Variants in HTR1F observed in about 807,000 individuals in gnomAD.
HTR1F encodes the protein 5-hydroxytryptamine receptor 1F, also known as 5-hydroxytryptamine (serotonin) receptor 1F, G protein-coupled.
In HTR1F, 17 loss-of-function variants were observed where a neutral mutation model predicts 24.0. That is an observed-to-expected ratio of 0.71 (90% CI 0.48 to 1.06). HTR1F has a LOEUF of 1.06. Ranked by LOEUF, HTR1F falls within the 50% of genes least tolerant of loss-of-function variation. HTR1F has a pLI of 0.00. For synonymous variants in HTR1F, 186 were observed against 156.8 expected (o/e 1.19, Z -1.39); for missense variants, 391 against 427.8 (o/e 0.91, Z 0.76).
intron 2 of HTR1F, among the ~76,000 whole-genome samples, chr3:87,962,910 G>A (rs1162295624): frequency 2.0e-5 from 3 of 151,838 alleles, no homozygotes; most frequent in Admixed American, 6.6e-5. Context: ...GTTTAATCTA[G>A]TGATACTAAT....
chr3:87,864,541 G>C (rs1450304028), intron 2 of HTR1F, among the ~76,000 whole-genome samples: 1 of 152,090 alleles, frequency 6.6e-6, no homozygotes, highest in African/African-American at 2.4e-5. Flanking sequence ...AAGACTGTAG[G>C]TATTCTACTG....
intron 2 of HTR1F, among the ~76,000 whole-genome samples, chr3:87,978,578 T>C (rs1398830742): frequency 1.3e-5 from 2 of 152,016 alleles, no homozygotes; most frequent in Non-Finnish European, 2.9e-5. Context: ...AGAGACCCAG[T>C]ACCTCCTATT....
chr3:87,964,117 C>A (rs749327449), intron 2 of HTR1F, among the ~76,000 whole-genome samples: 4 of 152,236 alleles, frequency 2.6e-5, no homozygotes, highest in Admixed American at 1.3e-4. Context: ...AAATTGGCTG[C>A]CGGGTGCTTT....
At chr3:87,963,825 C>T (rs1457346521) in intron 2 of HTR1F, among the ~76,000 whole-genome samples, 1 of 152,082 alleles carries the variant, frequency 6.6e-6, no homozygotes, top group African/African-American at 2.4e-5. Flanking sequence ...AACATATGTG[C>T]TTTGTCTTTC....
chr3:87,863,314 G>A lies in HTR1F; in HGVS notation c.-43+41190G>A, dbSNP rs1208346166. Among the ~76,000 whole-genome samples the A allele has an allele frequency of 2.6e-5, 4 of 152,256 alleles. No individual in the cohort carries two copies. The East Asian group carries it at 7.7e-4, about 29-fold the overall frequency. ...TAGTGTCTTGCAATCTGGATAGGCTGAGATTTTCCAAAGTGATCCAACCCT... is the reference window on the plus strand; with the variant it reads ...TAGTGTCTTGCAATCTGGATAGGCTAAGATTTTCCAAAGTGATCCAACCCT... On this transcript the variant is annotated intron_variant, in intron 2 of 2. Coordinates refer to ENST00000319595, the MANE Select transcript of HTR1F (RefSeq NM_001322209.2).
intron 1 of HTR1F, among the ~76,000 whole-genome samples, chr3:87,818,580 C>T (rs931244658): frequency 5.3e-5 from 8 of 152,148 alleles, no homozygotes; most frequent in Admixed American, 1.3e-4. Flanking sequence ...CCATGCCAAA[C>T]AGTAGGTGGA....
At chr3:87,936,832 A>G (rs1446638881) in intron 2 of HTR1F, among the ~76,000 whole-genome samples, 2 of 151,978 alleles carry the variant, frequency 1.3e-5, no homozygotes, top group Admixed American at 6.6e-5. Context: ...TGAGATACTC[A>G]TTTCATCTCT....
chr3:87,867,888 T>C (rs1162554355), intron 2 of HTR1F, among the ~76,000 whole-genome samples: 8 of 152,114 alleles, frequency 5.3e-5, no homozygotes, highest in African/African-American at 1.9e-4. Context: ...TTTCTTGTTG[T>C]CTAAATCATT....
chr3:87,942,125 C>A lies in HTR1F; in HGVS notation c.-42-48583C>A, dbSNP rs181788820. On this transcript the variant is annotated intron_variant, in intron 2 of 2. Coordinates refer to ENST00000319595, the MANE Select transcript of HTR1F (RefSeq NM_001322209.2). ...AATTCCTTCCTCAAGCAGGGGACAA[C>A]AAATGGGTGTTCCTTCTCCTATGTT... is the stretch of plus-strand genomic sequence containing the variant. Among the ~76,000 whole-genome samples, 422 of 152,210 alleles carry A rather than the reference C, an allele frequency of 2.8e-3. 2 individuals carry two copies. The highest frequency in any genetic ancestry group is 9.9e-3 in the African/African-American group (410 of 41,540).
intron 2 of HTR1F, among the ~76,000 whole-genome samples, chr3:87,945,619 C>T (rs549263354): frequency 1.3e-4 from 20 of 152,072 alleles, no homozygotes; most frequent in South Asian, 6.2e-4. Context: ...AAATTGAAAG[C>T]GGAAGCTGGT....
intron 2 of HTR1F, among the ~76,000 whole-genome samples, chr3:87,942,514 C>G (rs1373061497): frequency 8.3e-6 from 1 of 120,278 alleles, no homozygotes; most frequent in African/African-American, 2.6e-5. Flanking sequence ...TGGCTTCTGA[C>G]TCAGAGGACT....
At chr3:87,792,877 C>T (rs1196896013) in intron 1 of HTR1F, among the ~76,000 whole-genome samples, 35 bp downstream of exon 1, 1 of 152,164 alleles carries the variant, frequency 6.6e-6, no homozygotes, top group Non-Finnish European at 1.5e-5. Context: ...CCCGGGAGTG[C>T]GGGTCACGCC....
At chr3:87,896,163 C>T (rs1485752161) in intron 2 of HTR1F, among the ~76,000 whole-genome samples, 1 of 152,090 alleles carries the variant, frequency 6.6e-6, no homozygotes, top group Non-Finnish European at 1.5e-5. Context: ...AACAGGGACC[C>T]CTCTGACTAT....
At chr3:87,968,168 G>A in intron 2 of HTR1F, among the ~76,000 whole-genome samples, 1 of 152,058 alleles carries the variant, frequency 6.6e-6, no homozygotes. Flanking sequence ...AGAGATTTGT[G>A]GAATTTTGAA....
At chr3:87,964,140 A>G (rs1022950269) in intron 2 of HTR1F, among the ~76,000 whole-genome samples, 3 of 152,004 alleles carry the variant, frequency 2.0e-5, no homozygotes, top group African/African-American at 7.2e-5. Flanking sequence ...CTCAATTATC[A>G]CAGGTCTCCA....
At chr3:87,807,059 C>T (rs1414334761) in intron 1 of HTR1F, among the ~76,000 whole-genome samples, 2 of 151,744 alleles carry the variant, frequency 1.3e-5, no homozygotes, top group Non-Finnish European at 3.0e-5. Context: ...TTTCAAGTAG[C>T]GTGGTGTCTC....
intron 2 of HTR1F, among the ~76,000 whole-genome samples, chr3:87,980,659 C>T (rs1284560167): frequency 1.7e-5 from 1 of 60,528 alleles, no homozygotes; most frequent in Non-Finnish European, 3.8e-5. Context: ...ATTACATCAT[C>T]CATGGTGCTC....
intron 2 of HTR1F, among the ~76,000 whole-genome samples, chr3:87,900,038 A>G (rs1350883450): frequency 6.6e-6 from 1 of 152,216 alleles, no homozygotes. Flanking sequence ...GATAAGTAGT[A>G]TTAATATAAA....
intron 2 of HTR1F, among the ~76,000 whole-genome samples, chr3:87,922,822 C>T (rs1704039881): frequency 6.7e-6 from 1 of 149,990 alleles, no homozygotes; most frequent in South Asian, 2.1e-4. Context: ...TGTCCATTGG[C>T]TGTAAATCTG....
Sources: gnomAD v4.1 joint callset for allele counts (sites outside exome capture counted in the v4.1 genomes callset) on GRCh38, gnomAD v4.1.1 for gene constraint, MANE v1.5 for transcripts, NCBI Gene and HGNC (gene_info 2026-07-23, HGNC 2026-07-21) for gene names.